Variants in TMEFF2 observed in about 807,000 individuals in gnomAD.
TMEFF2 encodes the protein transmembrane protein with EGF like and two follistatin like domains 2, also known as tomoregulin-2.
In TMEFF2, 28 loss-of-function variants were observed where a neutral mutation model predicts 53.8. That is an observed-to-expected ratio of 0.52 (90% CI 0.39 to 0.71). The LOEUF (loss-of-function observed/expected upper bound fraction) is 0.71. TMEFF2 is among the 30% of genes least tolerant of loss of function. The pLI is 0.00. For missense variants in TMEFF2, 353 were observed against 455.2 expected (o/e 0.78, Z 2.04); for synonymous variants, 162 against 166.3 (o/e 0.97, Z 0.20).
chr2:192,178,010 T>C (rs562619624), intron 4 of TMEFF2: 1 of 151,086 alleles, frequency 6.6e-6, no homozygotes, highest in African/African-American at 2.4e-5. Context: ...CAGAAAAAAG[T>C]AAATGATGAT....
At chr2:191,956,230 C>G (rs762385024) in intron 8 of TMEFF2, 25 bp downstream of exon 8, 2 of 1,591,340 alleles carry the variant, frequency 1.3e-6, no homozygotes, top group Non-Finnish European at 1.7e-6. Context: ...TATACATTAA[C>G]TATTCTTGCG....
intron 5 of TMEFF2, chr2:192,022,117 T>A (rs1228447537): frequency 1.3e-5 from 2 of 152,266 alleles, no homozygotes; most frequent in Admixed American, 6.5e-5. Flanking sequence ...GTGCACCTGC[T>A]GATCACACTG....
At chr2:191,983,790 G>A (rs1347324590) in intron 7 of TMEFF2, among the ~76,000 whole-genome samples, 1 of 152,174 alleles carries the variant, frequency 6.6e-6, no homozygotes, top group Non-Finnish European at 1.5e-5. Flanking sequence ...CAGGAAATAA[G>A]AGGTGAGATC....
intron 7 of TMEFF2, among the ~76,000 whole-genome samples, chr2:191,958,309 A>G (rs1446956879): frequency 1.3e-5 from 2 of 151,978 alleles, no homozygotes; most frequent in African/African-American, 4.8e-5. Flanking sequence ...TTCATTAATA[A>G]CCCCTCAGTG....
intron 4 of TMEFF2, among the ~76,000 whole-genome samples, chr2:192,165,158 A>AT (rs1156287551): frequency 6.6e-6 from 1 of 152,292 alleles, no homozygotes; most frequent in East Asian, 1.9e-4. Context: ...TATTTAACAT[A>AT]TTTTAATATG....
At chr2:191,987,119 T>C (rs1330340631) in intron 7 of TMEFF2, among the ~76,000 whole-genome samples, 1 of 152,078 alleles carries the variant, frequency 6.6e-6, no homozygotes, top group African/African-American at 2.4e-5. Flanking sequence ...GTCCTGTGCA[T>C]TGTAGGATGT....
intron 9 of TMEFF2, 135 bp from the exon 10 acceptor site, chr2:191,950,542 G>A (rs1691843532): frequency 7.7e-7 from 1 of 1,293,362 alleles, no homozygotes; most frequent in Non-Finnish European, 1.1e-6. Flanking sequence ...ATTAGTAGAA[G>A]CTTGGATTAT....
intron 7 of TMEFF2, among the ~76,000 whole-genome samples, chr2:191,981,482 C>T (rs1685850312): frequency 6.6e-6 from 1 of 152,160 alleles, no homozygotes; most frequent in Non-Finnish European, 1.5e-5. Flanking sequence ...ATGCTTTCCT[C>T]ATTATACCTG....
rs1691825525 is a variant in TMEFF2 at position 191,950,110 on chromosome 2, G to GA, written c.*200dup. On this transcript the variant is annotated 3_prime_UTR_variant, in exon 10 of 10. Coordinates refer to ENST00000272771, the MANE Select transcript of TMEFF2 (RefSeq NM_016192.4). ...ATATAAATAGTTTATTTACATTACA[G>GA]AAAAAACATCAAGACAATGTATACT... 35 of 1,321,704 alleles carry GA rather than the reference G, an allele frequency of 2.6e-5. No homozygotes were observed. The South Asian group carries it at 5.3e-4, about 20-fold the overall frequency. The allele number at this position is 1,321,704 out of a possible 1,614,324, so 81.9% of individuals were successfully genotyped here. A position where few individuals can be genotyped will look rare whatever the true frequency, so the allele number is the denominator to read the frequency against.
intron 4 of TMEFF2, among the ~76,000 whole-genome samples, chr2:192,130,476 AAAG>A (rs1689791844): frequency 6.6e-6 from 1 of 152,048 alleles, no homozygotes; most frequent in Admixed American, 6.6e-5. Flanking sequence ...AAGAATCACA[AAAG>A]AAGTGAAAAG....
chr2:192,048,361 A>AAC (rs3053696), intron 5 of TMEFF2, among the ~76,000 whole-genome samples: 58,652 of 143,058 alleles, frequency 0.41, 13,152 homozygotes, highest in East Asian at 0.72. Context: ...ATTCTCATAA[A>AAC]ACACACACAC....
chr2:192,186,085 G>A (rs547291292), intron 2 of TMEFF2, among the ~76,000 whole-genome samples: 95 of 152,058 alleles, frequency 6.2e-4, no homozygotes, highest in South Asian at 2.5e-3. Context: ...CTTTTCCACA[G>A]TTGCATTTTT....
intron 4 of TMEFF2, among the ~76,000 whole-genome samples, chr2:192,101,231 T>C (rs1689024554): frequency 6.6e-6 from 1 of 152,196 alleles, no homozygotes; most frequent in South Asian, 2.1e-4. Flanking sequence ...CAGCTTTCAC[T>C]GCAGGGCTGG....
intron 7 of TMEFF2, among the ~76,000 whole-genome samples, chr2:191,964,382 C>CTT (rs1491453993): frequency 3.6e-5 from 1 of 27,538 alleles, no homozygotes; most frequent in Non-Finnish European, 7.7e-5. Flanking sequence ...CTCTTTCTTT[C>CTT]TTTCTTTCTT....
chr2:192,124,583 G>A (rs1184476152), intron 4 of TMEFF2, among the ~76,000 whole-genome samples: 1 of 152,132 alleles, frequency 6.6e-6, no homozygotes, highest in Non-Finnish European at 1.5e-5. Flanking sequence ...GAAACTGCCA[G>A]GATCTTCTGG....
intron 4 of TMEFF2, among the ~76,000 whole-genome samples, chr2:192,094,158 G>C (rs1465284611): frequency 1.3e-5 from 2 of 152,160 alleles, no homozygotes; most frequent in African/African-American, 4.8e-5. Flanking sequence ...GTTTGAAAAG[G>C]AGAAATGTTG....
chr2:191,994,968 A>C (rs1289431266), intron 7 of TMEFF2, among the ~76,000 whole-genome samples: 5 of 152,020 alleles, frequency 3.3e-5, no homozygotes, highest in Non-Finnish European at 7.4e-5. Flanking sequence ...ACCAGAAAGT[A>C]ATACTGGCAG....
chr2:192,183,201 G>A (rs1404320322), intron 3 of TMEFF2, among the ~76,000 whole-genome samples: 1 of 151,974 alleles, frequency 6.6e-6, no homozygotes, highest in Non-Finnish European at 1.5e-5. Context: ...CATGAGATAT[G>A]ATTCTATTCT....
At chr2:192,048,071 A>C (rs1014469238) in intron 5 of TMEFF2, among the ~76,000 whole-genome samples, 1 of 152,184 alleles carries the variant, frequency 6.6e-6, no homozygotes, top group Non-Finnish European at 1.5e-5. Flanking sequence ...GGAGTTAAAC[A>C]AGAAAAATGT....
Sources: gnomAD v4.1 joint callset for allele counts (sites outside exome capture counted in the v4.1 genomes callset) on GRCh38, gnomAD v4.1.1 for gene constraint, MANE v1.5 for transcripts, NCBI Gene and HGNC (gene_info 2026-07-23, HGNC 2026-07-21) for gene names.